The following SCAF8 variants were observed in gnomAD, a reference collection of about 807,000 sequenced individuals.
SCAF8 encodes SR-related and CTD-associated factor 8.
Under a neutral mutation model 140.5 loss-of-function variants are expected in SCAF8, and 23 were observed. The observed-to-expected ratio is 0.16, with a 90% confidence interval of 0.12 to 0.23. SCAF8 has a LOEUF of 0.23. Among genes scored for constraint, SCAF8 ranks in the 10% least tolerant of loss-of-function variants. The probability of loss-of-function intolerance (pLI) is 1.00; values close to 1 mark genes in which losing one functional copy is unlikely to be tolerated. For missense variants in SCAF8, 1,397 were observed against 1,555.7 expected (o/e 0.90, Z 1.72); for synonymous variants, 575 against 528.9 (o/e 1.09, Z -1.20).
chr6:154,791,917 G>A (rs761710245), intron 4 of SCAF8, among the ~76,000 whole-genome samples: 3 of 152,068 alleles, frequency 2.0e-5, no homozygotes, highest in Admixed American at 6.6e-5. Context: ...ATGCAGTGCT[G>A]CAGTTCAGGG....
At chr6:154,743,975 TTTTAATTTACCAAACA>T (rs534197461) in intron 1 of SCAF8, among the ~76,000 whole-genome samples, 331 of 152,386 alleles carry the variant, frequency 2.2e-3, no homozygotes, top group African/African-American at 7.6e-3. Flanking sequence ...TTTGAAGTAC[TTTTAATTTACCAAACA>T]TTTATTAGAA....
chr6:154,761,160 A>AT (rs1776382993), intron 1 of SCAF8, among the ~76,000 whole-genome samples: 1 of 152,108 alleles, frequency 6.6e-6, no homozygotes, highest in South Asian at 2.1e-4. Context: ...GTTATTAGGT[A>AT]TAACATTTCA....
rs542839974 is a variant in SCAF8 at position 154,789,802 on chromosome 6, C to T, written c.321+1780C>T. Among the ~76,000 whole-genome samples the T allele has an allele frequency of 2.9e-3, 444 of 152,254 alleles. 4 individuals are homozygous for T. The highest frequency in any genetic ancestry group is 0.01 in the African/African-American group (432 of 41,552). On this transcript the variant is annotated intron_variant, in intron 4 of 19. Transcript: ENST00000367178. ...CCTCGTGATCCGCCTGCCTTGGCCT[C>T]CCAAAGTGCTGGGATTACAGGCGTG...
chr6:154,766,669 C>CTTTTTT (rs56995922), intron 1 of SCAF8, among the ~76,000 whole-genome samples: 2 of 82,414 alleles, frequency 2.4e-5, no homozygotes, highest in South Asian at 4.9e-4. Flanking sequence ...ACCCCCCCCC[C>CTTTTTT]TTTTTTTTTT....
chr6:154,830,915 T>C lies in SCAF8; in HGVS notation c.2141-7T>C, dbSNP rs939479862. On this transcript the variant is annotated splice_region_variant and splice_polypyrimidine_tract_variant and intron_variant, in intron 18 of 19. Transcript: ENST00000367178. ...ATCTGAAATATATTTTTCTCCTCTT[T>C]AAACAGCTTTAGTGCAGCCGTCATT... 2 of 1,610,788 alleles carry C rather than the reference T, an allele frequency of 1.2e-6. No individual in the cohort carries two copies. The highest frequency in any genetic ancestry group is 1.7e-6 in the Non-Finnish European group (2 of 1,177,352).
chr6:154,743,590 C>T (rs1326171861), intron 1 of SCAF8, among the ~76,000 whole-genome samples: 3 of 152,140 alleles, frequency 2.0e-5, no homozygotes, highest in Non-Finnish European at 4.4e-5. Flanking sequence ...ATTTGAGTAG[C>T]TTATCAATGA....
At chr6:154,803,096 G>A (rs1186042796) in intron 7 of SCAF8, among the ~76,000 whole-genome samples, 2 of 152,112 alleles carry the variant, frequency 1.3e-5, no homozygotes, top group Non-Finnish European at 2.9e-5. Flanking sequence ...TTGGCCAGCA[G>A]CTTCTAAGTC....
At chr6:154,738,060 C>T (rs764083652) in intron 1 of SCAF8, among the ~76,000 whole-genome samples, 4 of 151,650 alleles carry the variant, frequency 2.6e-5, no homozygotes, top group Admixed American at 6.6e-5. Flanking sequence ...GGGTGTGTGT[C>T]TGTAGTCTTA....
intron 1 of SCAF8, among the ~76,000 whole-genome samples, chr6:154,734,422 T>C (rs1383774549): frequency 6.6e-6 from 1 of 151,520 alleles, no homozygotes; most frequent in Admixed American, 6.6e-5. Flanking sequence ...ACACGTAGTG[T>C]TTATAATTGA....
chr6:154,822,421 A>G lies in SCAF8; in HGVS notation c.1926+12A>G, dbSNP rs776159236. The G allele has an allele frequency of 3.7e-5, 59 of 1,582,412 alleles. No individual in the cohort carries two copies. The highest frequency in any genetic ancestry group is 4.5e-5 in the Non-Finnish European group (53 of 1,170,380). On this transcript the variant is annotated intron_variant, in intron 16 of 19. Transcript: ENST00000367178. ...TTGCTATGTTGCAGGTTAGTGTTGA[A>G]GTGGGGTTTTTTTTTTCTTGTGTTG...
intron 18 of SCAF8, among the ~76,000 whole-genome samples, chr6:154,830,449 C>T (rs1456993771): frequency 1.3e-5 from 2 of 152,050 alleles, no homozygotes; most frequent in Non-Finnish European, 2.9e-5. Context: ...ATTTGTAGTC[C>T]ACCTTATGTA....
In SCAF8 at chr6:154,831,993, A is replaced by G; in HGVS notation, c.2414A>G (p.Asn805Ser). Reference sequence around the variant, plus strand: ...GCAATTTTAGGAGGACAGCCGCCAAATGTGACAAGCAATTCTGGAATTCTG... The same window carrying G: ...GCAATTTTAGGAGGACAGCCGCCAAGTGTGACAAGCAATTCTGGAATTCTG... ...NAAILGGQPP[N>S]VTSNSGILGV... The change falls in exon 20 of 20, where the codon AAT becomes AGT. Residue 805 changes from asparagine to serine, a missense_variant. By Grantham distance (46) the Asn-to-Ser change is conservative. Around this residue, in one of 5 missense-constraint regions of SCAF8, gnomAD observed 930 missense variants for 874.6 expected, o/e 1.06. Transcript: ENST00000367178. 1.2e-6 allele frequency: 2 copies of G among 1,613,284 alleles called. No homozygotes were observed. Among genetic ancestry groups the G allele is most frequent in the Non-Finnish European group, 1.7e-6 (2 of 1,179,696 alleles).
intron 6 of SCAF8, among the ~76,000 whole-genome samples, chr6:154,796,389 C>CTGTCTG (rs10679817): frequency 0.021 from 2,905 of 140,960 alleles, 105 homozygotes; most frequent in African/African-American, 0.056. Context: ...CTCTCTCTCT[C>CTGTCTG]TCTGTCTCTC....
intron 9 of SCAF8, 117 bp from the exon 10 acceptor site, chr6:154,807,953 C>A: frequency 1.2e-6 from 1 of 838,166 alleles, no homozygotes; most frequent in Non-Finnish European, 1.8e-6. Flanking sequence ...CATGGAATTT[C>A]TTTTATGTAT....
chr6:154,827,892 A>G (rs947301412), intron 18 of SCAF8, among the ~76,000 whole-genome samples: 8 of 152,092 alleles, frequency 5.3e-5, no homozygotes, highest in African/African-American at 1.9e-4. Flanking sequence ...GTTCACAGCA[A>G]AATGGAGCCA....
intron 2 of SCAF8, among the ~76,000 whole-genome samples, chr6:154,776,947 G>A (rs1331239450): frequency 1.3e-5 from 2 of 152,180 alleles, no homozygotes; most frequent in East Asian, 1.9e-4. Flanking sequence ...TTGGGAGGCC[G>A]AGGTGGGTGG....
chr6:154,733,483 T>C lies in SCAF8; in HGVS notation c.-418T>C. On this transcript the variant is annotated 5_prime_UTR_variant, in exon 1 of 20. Coordinates refer to ENST00000367178, the MANE Select transcript of SCAF8 (RefSeq NM_014892.5). ...GTCTTCGCCGAGCGGGGCTGGTTCCTGCGGCCCGAGCGGCGGGGAGGTGAA... is the reference window on the plus strand; with the variant it reads ...GTCTTCGCCGAGCGGGGCTGGTTCCCGCGGCCCGAGCGGCGGGGAGGTGAA... 2 of 1,343,338 alleles carry C rather than the reference T, an allele frequency of 1.5e-6. No homozygotes were observed. The highest frequency in any genetic ancestry group is 1.9e-6 in the Non-Finnish European group (2 of 1,051,026). The allele number at this position is 1,343,338 out of a possible 1,614,324, so 83.2% of individuals were successfully genotyped here. A position where few individuals can be genotyped will look rare whatever the true frequency, so the allele number is the denominator to read the frequency against.
In SCAF8 at chr6:154,832,789, T is replaced by C. The variant is rs1166404447; in HGVS notation, c.3210T>C (p.Asn1070=). 4.3e-6 allele frequency: 7 copies of C among 1,613,580 alleles called. No homozygotes were observed. The highest frequency in any genetic ancestry group is 5.1e-6 in the Non-Finnish European group (6 of 1,179,954). The change falls in exon 20 of 20, where the codon AAT becomes AAC. Residue 1070 remains asparagine, a synonymous_variant. Coordinates refer to ENST00000367178, the MANE Select transcript of SCAF8 (RefSeq NM_014892.5). ...GACCTCCTGTAGATATAAGAGAGAA[T>C]CTTGTGAGGCCAGGTATAGATCATC... ...FGRPPVDIRE[N]LVRPGIDHLG...
chr6:154,751,129 A>G (rs1778826004), intron 1 of SCAF8, among the ~76,000 whole-genome samples: 1 of 152,232 alleles, frequency 6.6e-6, no homozygotes, highest in South Asian at 2.1e-4. Flanking sequence ...AAAGGCCATC[A>G]CAAACATGTT....
Sources: gnomAD v4.1 joint callset for allele counts (sites outside exome capture counted in the v4.1 genomes callset) on GRCh38, gnomAD v4.1.1 for gene constraint, gnomAD v4.1.1 regional missense constraint, MANE v1.5 for transcripts, NCBI Gene and HGNC (gene_info 2026-07-23, HGNC 2026-07-21) for gene names.